The following KDM4C variants were observed in gnomAD, a reference collection of about 807,000 sequenced individuals.
KDM4C encodes lysine-specific demethylase 4C.
A neutral mutation model predicts 129.3 loss-of-function variants in KDM4C; 81 were observed. The observed-to-expected ratio is 0.63, with a 90% CI of 0.52 to 0.75. KDM4C has a LOEUF of 0.75. KDM4C is among the 30% of genes least tolerant of loss of function. The probability of loss-of-function intolerance (pLI) is 0.00; values close to 1 mark genes in which losing one functional copy is unlikely to be tolerated. For missense variants in KDM4C, 1,457 were observed against 1,304.0 expected (o/e 1.12, Z -1.81); for synonymous variants, 573 against 456.1 (o/e 1.26, Z -3.26).
At position 6,814,709 on chromosome 9, in the gene KDM4C, C is replaced by T; in HGVS notation, c.399C>T (p.Ile133=). 1.2e-6 allele frequency: 2 copies of T among 1,609,572 alleles called. No homozygotes were observed. Among genetic ancestry groups the T allele is most frequent in the East Asian group, 4.5e-5 (2 of 44,732 alleles). Residue 133 remains isoleucine (I), a synonymous_variant, in exon 4 of 22, where the codon ATC becomes ATT. Coordinates refer to ENST00000381309, the MANE Select transcript of KDM4C (RefSeq NM_015061.6). ...YWKNLTFVAP[I]YGADINGSIY... is the part of the protein sequence containing the mutation. ...AGAACTTAACTTTTGTGGCACCTAT[C>T]TATGGTGCAGATATTAATGGGAGCA...
chr9:6,762,976 T>C (rs1193378591), intron 1 of KDM4C, among the ~76,000 whole-genome samples: 4 of 151,930 alleles, frequency 2.6e-5, no homozygotes, highest in Non-Finnish European at 5.9e-5. Flanking sequence ...TTGTCTTTTT[T>C]ACTCCCCGAC....
intron 6 of KDM4C, among the ~76,000 whole-genome samples, chr9:6,882,386 A>G (rs1410658413): frequency 6.6e-6 from 1 of 152,238 alleles, no homozygotes; most frequent in Non-Finnish European, 1.5e-5. Flanking sequence ...TAGAAAAAAG[A>G]TAATATTGCT....
chr9:6,785,392 AG>A (rs1825269925), intron 1 of KDM4C, among the ~76,000 whole-genome samples: 1 of 150,082 alleles, frequency 6.7e-6, no homozygotes, highest in Non-Finnish European at 1.5e-5. Flanking sequence ...GCTGGAGTGC[AG>A]TGGTGCGATC....
At chr9:6,952,740 C>T (rs1233206691) in intron 8 of KDM4C, among the ~76,000 whole-genome samples, 2 of 151,988 alleles carry the variant, frequency 1.3e-5, no homozygotes, top group East Asian at 1.9e-4. Flanking sequence ...TGTGCCCGGC[C>T]CCAGAGTATG....
chr9:7,121,205 G>C (rs1317108276), intron 18 of KDM4C, among the ~76,000 whole-genome samples: 1 of 152,184 alleles, frequency 6.6e-6, no homozygotes, highest in Non-Finnish European at 1.5e-5. Context: ...AGGCTTGGCT[G>C]AGGGGTTCTT....
chr9:7,009,052 T>C (rs879548012), intron 12 of KDM4C, among the ~76,000 whole-genome samples: 16 of 152,154 alleles, frequency 1.1e-4, no homozygotes, highest in Admixed American at 5.9e-4. Context: ...TAAAGAAATA[T>C]AGATTTACAA....
intron 17 of KDM4C, among the ~76,000 whole-genome samples, chr9:7,099,799 T>A (rs990567084): frequency 6.6e-6 from 1 of 152,260 alleles, no homozygotes; most frequent in Non-Finnish European, 1.5e-5. Flanking sequence ...TAACAGCTTT[T>A]GGCTGGGTGA....
intron 8 of KDM4C, chr9:6,942,387 A>G (rs977022159): frequency 2.7e-5 from 4 of 149,930 alleles, no homozygotes; most frequent in African/African-American, 9.8e-5. Context: ...ACTGAGGCCA[A>G]TGGCTGCCTC....
At chr9:6,740,761 C>T (rs1050789203) in intron 1 of KDM4C, among the ~76,000 whole-genome samples, 5 of 148,662 alleles carry the variant, frequency 3.4e-5, no homozygotes, top group Non-Finnish European at 7.4e-5. Flanking sequence ...CCAAGTGATT[C>T]GCCCACCTCA....
intron 1 of KDM4C, among the ~76,000 whole-genome samples, chr9:6,790,731 C>T (rs1826416120): frequency 6.7e-6 from 1 of 148,826 alleles, no homozygotes; most frequent in Non-Finnish European, 1.5e-5. Flanking sequence ...TGTCAGATGC[C>T]AGGTCCTAAT....
chr9:7,037,013 A>T (rs916992160), intron 15 of KDM4C, among the ~76,000 whole-genome samples: 1 of 152,110 alleles, frequency 6.6e-6, no homozygotes, highest in Non-Finnish European at 1.5e-5. Flanking sequence ...ATCACTCAGA[A>T]CTCATACCAG....
chr9:6,758,216 C>G lies in KDM4C; in HGVS notation c.-18+13C>G, dbSNP rs1047626497. 7 of 985,728 alleles carry G rather than the reference C, an allele frequency of 7.1e-6. No individual in the cohort carries two copies. In the East Asian group the frequency reaches 7.9e-4, roughly 112 times the overall value. The allele number at this position is 985,728 out of a possible 1,614,324, so 61.1% of individuals were successfully genotyped here. A position where few individuals can be genotyped will look rare whatever the true frequency, so the allele number is the denominator to read the frequency against. On this transcript the variant is annotated intron_variant, in intron 1 of 21. Coordinates refer to ENST00000381309, the MANE Select transcript of KDM4C (RefSeq NM_015061.6). The surrounding 1 kb of genome is among the most constrained non-coding windows in gnomAD (Gnocchi z 4.6). Reference sequence around the variant, plus strand: ...ACCCGCGCGCCAGGTAACCGCTTTTCCGGAGTCTGGGGGCCAGGGCGGGGG... The same window carrying G: ...ACCCGCGCGCCAGGTAACCGCTTTTGCGGAGTCTGGGGGCCAGGGCGGGGG...
chr9:7,165,894 C>T (rs1392043008), intron 20 of KDM4C, among the ~76,000 whole-genome samples: 1 of 152,182 alleles, frequency 6.6e-6, no homozygotes, highest in African/African-American at 2.4e-5. Context: ...ATGAAAAGTA[C>T]AGCTATCAGT....
At chr9:6,903,321 T>C (rs182112464) in intron 8 of KDM4C, among the ~76,000 whole-genome samples, 1 of 152,324 alleles carries the variant, frequency 6.6e-6, no homozygotes, top group African/African-American at 2.4e-5. Flanking sequence ...GTAAATAAAA[T>C]TGAAACAGTT....
At chr9:6,783,513 G>A (rs1355471610) in intron 1 of KDM4C, among the ~76,000 whole-genome samples, 1 of 152,182 alleles carries the variant, frequency 6.6e-6, no homozygotes, top group African/African-American at 2.4e-5. Context: ...GACAGTTGAG[G>A]CCAGCATGGA....
At chr9:6,923,112 G>GT (rs1563819362) in intron 8 of KDM4C, among the ~76,000 whole-genome samples, 1 of 151,962 alleles carries the variant, frequency 6.6e-6, no homozygotes, top group Non-Finnish European at 1.5e-5. Context: ...TTGATTTAAT[G>GT]TTTTTACTCT....
chr9:6,830,600 C>T (rs926013279), intron 4 of KDM4C, among the ~76,000 whole-genome samples: 3 of 152,178 alleles, frequency 2.0e-5, no homozygotes, highest in East Asian at 3.8e-4. Flanking sequence ...AGTTTACTTT[C>T]CAAATGTCCT....
At chr9:6,914,205 A>G (rs578167349) in intron 8 of KDM4C, among the ~76,000 whole-genome samples, 1 of 152,188 alleles carries the variant, frequency 6.6e-6, no homozygotes, top group East Asian at 1.9e-4. Context: ...GATTACAGCC[A>G]TGCGCCACCA....
intron 17 of KDM4C, among the ~76,000 whole-genome samples, chr9:7,093,390 C>T (rs1836033683): frequency 2.0e-5 from 3 of 152,036 alleles, no homozygotes; most frequent in African/African-American, 7.2e-5. Context: ...AATAAAATAA[C>T]AACACGAAAA....
Sources: allele counts gnomAD v4.1 joint callset (sites outside exome capture counted in the v4.1 genomes callset), GRCh38; gene constraint gnomAD v4.1.1; non-coding constraint Gnocchi (gnomAD v3.1); transcripts MANE v1.5; gene names NCBI Gene and HGNC (gene_info 2026-07-23, HGNC 2026-07-21).